The following DENND5B variants were observed in gnomAD, a reference collection of about 807,000 sequenced individuals.
DENND5B encodes DENN domain containing 5B.
Under a neutral mutation model 140.6 loss-of-function variants are expected in DENND5B, and 34 were observed. That is an observed-to-expected ratio of 0.24 (90% confidence interval 0.18 to 0.32). The LOEUF is 0.32. Ranked by LOEUF, DENND5B falls within the 10% of genes least tolerant of loss-of-function variation. DENND5B has a pLI of 1.00. For missense variants in DENND5B, 1,142 were observed against 1,560.2 expected (o/e 0.73, Z 4.52); for synonymous variants, 551 against 562.1 (o/e 0.98, Z 0.28).
At chr12:31,433,383 T>A in intron 7 of DENND5B, 135 bp from the exon 8 acceptor site, 1 of 787,828 alleles carries the variant, frequency 1.3e-6, no homozygotes. Flanking sequence ...TGTTAAAATA[T>A]AATTAAAATA....
chr12:31,396,729 C>A (rs1029169449), intron 17 of DENND5B, among the ~76,000 whole-genome samples: 1 of 152,034 alleles, frequency 6.6e-6, no homozygotes, highest in Non-Finnish European at 1.5e-5. Flanking sequence ...TTCAAGCAAT[C>A]CTCATGCCTC....
intron 3 of DENND5B, chr12:31,477,841 G>GT (rs1321429406): frequency 4.5e-6 from 1 of 220,228 alleles, no homozygotes; most frequent in Non-Finnish European, 1.0e-5. Context: ...ACTGAAAGTG[G>GT]TTTAACAGTC....
rs1387476139 is a variant in DENND5B, at chr12:31,576,625, A to G, written c.127+14081T>C. Reference sequence around the variant, plus strand: ...AGGTCAGGCGTGGTGGCTCACACCTATAATCCCAGCACTTTTGTAGGATGA... The same window carrying G: ...AGGTCAGGCGTGGTGGCTCACACCTGTAATCCCAGCACTTTTGTAGGATGA... On this transcript the variant is annotated intron_variant, in intron 1 of 20. Transcript: ENST00000389082. 2.0e-5 allele frequency among the ~76,000 whole-genome samples: 3 copies of G among 152,132 alleles called. No individual in the cohort carries two copies. In the East Asian group the frequency reaches 5.8e-4, roughly 29 times the overall value.
At chr12:31,477,526 A>T (rs1410282996) in intron 3 of DENND5B, 1 of 152,670 alleles carries the variant, frequency 6.6e-6, no homozygotes, top group East Asian at 1.9e-4. Flanking sequence ...CTTTGCTGTC[A>T]GTAGCTCAAG....
At chr12:31,464,627 C>T (rs1393135676) in intron 3 of DENND5B, among the ~76,000 whole-genome samples, 1 of 152,150 alleles carries the variant, frequency 6.6e-6, no homozygotes, top group Non-Finnish European at 1.5e-5. Context: ...GTGGTGCGAT[C>T]TTGGTTCACT....
At chr12:31,489,782 T>C (rs767448962) in intron 2 of DENND5B, among the ~76,000 whole-genome samples, 23 of 152,094 alleles carry the variant, frequency 1.5e-4, no homozygotes, top group Non-Finnish European at 2.6e-4. Context: ...GAACCTAAGG[T>C]GACCTGAGTG....
rs372196303 is a variant in DENND5B at position 31,474,492 on chromosome 12, G to GC, written c.904+5096dup. Among the ~76,000 whole-genome samples the GC allele has an allele frequency of 4.1e-3, 631 of 152,256 alleles. 5 individuals are homozygous for GC. Among genetic ancestry groups the GC allele is most frequent in the African/African-American group, 0.014 (576 of 41,546 alleles). ...TTAGAATTTCTAGCTAGTTACCACT[G>GC]CAAAGTGACAGTGATATATGCATTT... On this transcript the variant is annotated intron_variant, in intron 3 of 20. Coordinates refer to ENST00000389082, the MANE Select transcript of DENND5B (RefSeq NM_144973.4).
chr12:31,407,988 G>C (rs77684191), intron 14 of DENND5B, among the ~76,000 whole-genome samples: 85 of 152,140 alleles, frequency 5.6e-4, no homozygotes, highest in African/African-American at 1.8e-3. Context: ...GCTATCATTC[G>C]GCTTTCTATA....
chr12:31,546,710 T>C (rs1948875897), intron 1 of DENND5B, among the ~76,000 whole-genome samples: 1 of 152,066 alleles, frequency 6.6e-6, no homozygotes, highest in Non-Finnish European at 1.5e-5. Context: ...TCCAAGAGTA[T>C]AAAATTATTC....
Position 31,402,503 on chromosome 12 carries a change from A to G in DENND5B, c.2944T>C (p.Phe982Leu). 1 of 1,613,194 alleles carries G rather than the reference A, an allele frequency of 6.2e-7. No homozygotes were observed. Among genetic ancestry groups the G allele is most frequent in the Non-Finnish European group, 8.5e-7 (1 of 1,179,614 alleles). ...QIPKNLLEMT[F>L]ECQNLGKLTT... ...AAGGTATTAGCTGAACCTACCTCAA[A>G]GGTCATTTCGAGGAGGTTTTTGGGA... is the stretch of plus-strand genomic sequence containing the variant. The change falls in exon 15 of 21, where the codon TTT (phenylalanine) becomes CTT (leucine). Residue 982 changes from phenylalanine to leucine, a missense_variant. This residue lies in a region of DENND5B where 268 missense variants were observed against 349.2 expected (regional missense o/e 0.77). Coordinates refer to ENST00000389082, the MANE Select transcript of DENND5B (RefSeq NM_144973.4).
At chr12:31,527,450 T>C (rs982973664) in intron 1 of DENND5B, among the ~76,000 whole-genome samples, 3 of 152,158 alleles carry the variant, frequency 2.0e-5, no homozygotes, top group African/African-American at 7.2e-5. Context: ...GGGAAGTCAC[T>C]GGAGACTTTC....
chr12:31,440,614 C>T lies in DENND5B; in HGVS notation c.2012+2161G>A, dbSNP rs9737903. Among the ~76,000 whole-genome samples the T allele has an allele frequency of 8.9e-3, 1,357 of 152,316 alleles. 22 individuals are homozygous for T. Among genetic ancestry groups the T allele is most frequent in the African/African-American group, 0.031 (1,304 of 41,566 alleles). On this transcript the variant is annotated intron_variant, in intron 7 of 20. Coordinates refer to ENST00000389082, the MANE Select transcript of DENND5B (RefSeq NM_144973.4). ...GTGAACCATCCTCTAGTACTGCCTT[C>T]ATTAAAGTTGAGACAGCCTTTTAAA...
intron 7 of DENND5B, among the ~76,000 whole-genome samples, chr12:31,440,448 C>A (rs1466155282): frequency 1.3e-5 from 2 of 152,192 alleles, no homozygotes; most frequent in African/African-American, 2.4e-5. Context: ...AAATTTCAGT[C>A]ATTAGTTATT....
chr12:31,480,511 A>G (rs922075811), intron 2 of DENND5B, among the ~76,000 whole-genome samples: 12 of 152,344 alleles, frequency 7.9e-5, no homozygotes, highest in African/African-American at 2.9e-4. Flanking sequence ...TACTAAGAAC[A>G]AGAGAATCAC....
At chr12:31,573,417 T>C (rs1299766896) in intron 1 of DENND5B, among the ~76,000 whole-genome samples, 1 of 152,216 alleles carries the variant, frequency 6.6e-6, no homozygotes, top group Admixed American at 6.5e-5. Flanking sequence ...TAGAGTTCAA[T>C]AAGGCACTGA....
At chr12:31,536,450 T>G (rs1461537385) in intron 1 of DENND5B, among the ~76,000 whole-genome samples, 1 of 149,690 alleles carries the variant, frequency 6.7e-6, no homozygotes, top group Non-Finnish European at 1.5e-5. Context: ...TGCATCAGAG[T>G]TTTTTAATAG....
intron 15 of DENND5B, among the ~76,000 whole-genome samples, chr12:31,401,152 G>A (rs1297690204): frequency 6.6e-6 from 1 of 152,090 alleles, no homozygotes; most frequent in Admixed American, 6.6e-5. Context: ...AGAGCTACGA[G>A]TTCTTAAAGC....
rs199673559 is a variant in DENND5B at position 31,514,834 on chromosome 12, A to T, written c.128-18915T>A. Among the ~76,000 whole-genome samples the T allele has an allele frequency of 3.0e-3, 444 of 150,328 alleles. 4 individuals carry two copies. The highest frequency in any genetic ancestry group is 0.011 in the Middle Eastern group (3 of 282). ...GAGACTCCGTCTCAAAAAAAAAAAA[A>T]AATTAAGATTTGTGACACTGGGTGC... On this transcript the variant is annotated intron_variant, in intron 1 of 20. Coordinates refer to ENST00000389082, the MANE Select transcript of DENND5B (RefSeq NM_144973.4).
chr12:31,412,167 C>T (rs1411587193), intron 13 of DENND5B, among the ~76,000 whole-genome samples: 1 of 152,016 alleles, frequency 6.6e-6, no homozygotes, highest in Non-Finnish European at 1.5e-5. Context: ...AGGCTGGTCT[C>T]GAACTCCTGA....
Sources: gnomAD v4.1 joint callset for allele counts (sites outside exome capture counted in the v4.1 genomes callset) on GRCh38, gnomAD v4.1.1 for gene constraint, gnomAD v4.1.1 regional missense constraint, MANE v1.5 for transcripts, NCBI Gene and HGNC (gene_info 2026-07-23, HGNC 2026-07-21) for gene names.